LHFPL3: variants seen among roughly 807,000 people sequenced by gnomAD.
LHFPL3 encodes LHFPL tetraspan subfamily member 3 protein.
In LHFPL3, 5 loss-of-function variants were observed where a neutral mutation model predicts 19.3. The observed-to-expected ratio is 0.26, with a 90% CI of 0.14 to 0.54. The LOEUF (loss-of-function observed/expected upper bound fraction) is 0.54, where lower values mean the gene tolerates loss of function less well. Among genes scored for constraint, LHFPL3 ranks in the 20% least tolerant of loss-of-function variants. The pLI is 0.94. For missense variants in LHFPL3, 249 were observed against 307.4 expected, an observed-to-expected ratio of 0.81 and a Z score of 1.42; for synonymous variants, 133 against 126.2, an observed-to-expected ratio of 1.05 and a Z score of -0.36.
At chr7:104,630,420 G>T (rs1584450102) in intron 1 of LHFPL3, among the ~76,000 whole-genome samples, 1 of 152,152 alleles carries the variant, frequency 6.6e-6, no homozygotes, top group Non-Finnish European at 1.5e-5. Flanking sequence ...AGGTCACCTT[G>T]TGCAGGGTAG....
chr7:104,870,640 G>T (rs1223743247), intron 2 of LHFPL3, among the ~76,000 whole-genome samples: 1 of 152,164 alleles, frequency 6.6e-6, no homozygotes. Context: ...AAGGCAGGGT[G>T]GTCTGTGACA....
chr7:104,709,918 G>A (rs1793268811), intron 1 of LHFPL3, among the ~76,000 whole-genome samples: 1 of 151,848 alleles, frequency 6.6e-6, no homozygotes. Flanking sequence ...TCCCAGACGG[G>A]GTGGCGGCCA....
chr7:104,371,822 A>AAT (rs1382238934), intron 1 of LHFPL3, among the ~76,000 whole-genome samples: 1 of 152,220 alleles, frequency 6.6e-6, no homozygotes, highest in Non-Finnish European at 1.5e-5. Context: ...AGCTGTCTGG[A>AAT]ATATGCACAT....
intron 2 of LHFPL3, among the ~76,000 whole-genome samples, chr7:104,890,409 G>A (rs1328471656): frequency 8.5e-5 from 13 of 152,226 alleles, no homozygotes; most frequent in African/African-American, 2.6e-4. Context: ...TTCCTCCCCC[G>A]CATTACAACG....
At chr7:104,467,170 T>C (rs2115598272) in intron 1 of LHFPL3, among the ~76,000 whole-genome samples, 1 of 152,350 alleles carries the variant, frequency 6.6e-6, no homozygotes, top group Non-Finnish European at 1.5e-5. Flanking sequence ...GAGTTTATTG[T>C]TCTCTGGTGG....
intron 1 of LHFPL3, among the ~76,000 whole-genome samples, chr7:104,521,313 T>C (rs7794390): frequency 0.13 from 19,793 of 152,092 alleles, 1,443 homozygotes; most frequent in South Asian, 0.17. Context: ...GTCTGAGAGA[T>C]AGTTTGTTAT....
chr7:104,822,711 G>A (rs79762332), intron 2 of LHFPL3, among the ~76,000 whole-genome samples: 2,354 of 152,200 alleles, frequency 0.015, 73 homozygotes, highest in African/African-American at 0.054. Context: ...CAAGTAAGCC[G>A]CATCATCTTG....
At chr7:104,529,594 T>G (rs1262527420) in intron 1 of LHFPL3, among the ~76,000 whole-genome samples, 2 of 152,164 alleles carry the variant, frequency 1.3e-5, no homozygotes, top group African/African-American at 4.8e-5. Flanking sequence ...GTGAAAGAAA[T>G]AGTCAGCTGG....
chr7:104,623,424 G>C (rs936459901), intron 1 of LHFPL3, among the ~76,000 whole-genome samples: 1 of 152,216 alleles, frequency 6.6e-6, no homozygotes, highest in Admixed American at 6.5e-5. Flanking sequence ...GAGGTCAGGA[G>C]TTCGAGACCA....
At chr7:104,818,240 C>T (rs1790602706) in intron 2 of LHFPL3, among the ~76,000 whole-genome samples, 1 of 152,120 alleles carries the variant, frequency 6.6e-6, no homozygotes, top group African/African-American at 2.4e-5. Flanking sequence ...CAAGAAGTGT[C>T]TCTTTACCAC....
At chr7:104,893,452 G>A (rs899122312) in intron 2 of LHFPL3, among the ~76,000 whole-genome samples, 1 of 151,700 alleles carries the variant, frequency 6.6e-6, no homozygotes, top group Non-Finnish European at 1.5e-5. Context: ...AGGCTAGGAG[G>A]TGGAGGTTGC....
At chr7:104,554,534 T>C (rs2115919450) in intron 1 of LHFPL3, among the ~76,000 whole-genome samples, 1 of 152,284 alleles carries the variant, frequency 6.6e-6, no homozygotes, top group East Asian at 1.9e-4. Context: ...AAACTTCATG[T>C]TGCTATCCTA....
chr7:104,583,721 T>C (rs1018716909), intron 1 of LHFPL3, among the ~76,000 whole-genome samples: 2 of 152,108 alleles, frequency 1.3e-5, no homozygotes, highest in African/African-American at 4.8e-5. Context: ...TCATCATCAC[T>C]GGCCATCAGA....
At chr7:104,668,794 C>A (rs1445869545) in intron 1 of LHFPL3, 7 of 1,599,440 alleles carry the variant, frequency 4.4e-6, no homozygotes, top group Non-Finnish European at 6.0e-6. Flanking sequence ...CTGCTAGTAA[C>A]TCCCAGTCCA....
At chr7:104,811,162 CT>C (rs1562800485) in intron 2 of LHFPL3, among the ~76,000 whole-genome samples, 2 of 134,130 alleles carry the variant, frequency 1.5e-5, no homozygotes, top group Non-Finnish European at 3.1e-5. Context: ...TTCTTTCTTT[CT>C]TTCTTTCTTT....
At chr7:104,623,239 G>T (rs1404154330) in intron 1 of LHFPL3, among the ~76,000 whole-genome samples, 4 of 151,136 alleles carry the variant, frequency 2.6e-5, no homozygotes, top group Admixed American at 1.3e-4. Context: ...TTTTTGCAAT[G>T]CAATCTTGAT....
At chr7:104,350,284 G>A (rs1476994310) in intron 1 of LHFPL3, among the ~76,000 whole-genome samples, 1 of 152,206 alleles carries the variant, frequency 6.6e-6, no homozygotes, top group Non-Finnish European at 1.5e-5. Context: ...TATTGGGAGT[G>A]TAGAACAGAA....
chr7:104,339,215 T>C (rs1282422640), intron 1 of LHFPL3, among the ~76,000 whole-genome samples: 1 of 151,952 alleles, frequency 6.6e-6, no homozygotes, highest in African/African-American at 2.4e-5. Flanking sequence ...GCCATTGCAC[T>C]TCACCCTGGG....
intron 2 of LHFPL3, among the ~76,000 whole-genome samples, chr7:104,898,681 G>A (rs1287884801): frequency 1.3e-5 from 2 of 152,080 alleles, no homozygotes; most frequent in Admixed American, 6.5e-5. Context: ...AGGGCCAGGC[G>A]CGGTGGTTCA....
Sources: gnomAD v4.1 joint callset for allele counts (sites outside exome capture counted in the v4.1 genomes callset) on GRCh38, gnomAD v4.1.1 for gene constraint, MANE v1.5 for transcripts, NCBI Gene and HGNC (gene_info 2026-07-23, HGNC 2026-07-21) for gene names.